NLGN4X: variants seen among roughly 807,000 people sequenced by gnomAD.
The protein encoded by NLGN4X is neuroligin 4 X-linked.
NLGN4X carries 3 observed loss-of-function variants against 40.3 expected under a neutral mutation model. The ratio of observed to expected loss-of-function variants is 0.07; its 90% confidence interval spans 0.03 to 0.19. NLGN4X has a LOEUF of 0.19. Among genes scored for constraint, NLGN4X ranks in the 10% least tolerant of loss-of-function variants. The probability of loss-of-function intolerance (pLI) is 1.00; values close to 1 mark genes in which losing one functional copy is unlikely to be tolerated. For synonymous variants in NLGN4X, 270 were observed against 306.8 expected, an observed-to-expected ratio of 0.88 and a Z score of 1.25; for missense variants, 382 against 708.3, an observed-to-expected ratio of 0.54 and a Z score of 5.23.
chrX:6,107,669 C>A (rs988499032), intron 2 of NLGN4X, among the ~76,000 whole-genome samples: 2 of 111,292 alleles, frequency 1.8e-5, no homozygotes, highest in South Asian at 3.8e-4. Flanking sequence ...AACATTGTAC[C>A]CATAGGTTAA....
intron 2 of NLGN4X, among the ~76,000 whole-genome samples, chrX:6,057,092 C>T (rs766833460): frequency 5.2e-4 from 58 of 111,811 alleles, no homozygotes; most frequent in Non-Finnish European, 9.6e-4. Flanking sequence ...TCAATGGTGC[C>T]AATTTGAAAC....
In NLGN4X at chrX:5,896,278, G is replaced by A. The variant is rs372809165; in HGVS notation, c.1602-2612C>T. On this transcript the variant is annotated intron_variant, in intron 5 of 5. Coordinates refer to ENST00000381095, the MANE Select transcript of NLGN4X (RefSeq NM_181332.3). ...GGATTTGGAAAATCCATATAAATGA[G>A]CTGCCACCTGATACCGTCTGTCTAT... is the stretch of plus-strand genomic sequence containing the variant. Among the ~76,000 whole-genome samples the A allele has an allele frequency of 6.3e-5, 7 of 111,878 alleles. No individual in the cohort carries two copies. In the East Asian group the frequency reaches 2.0e-3, roughly 31 times the overall value.
chrX:5,944,480 T>TA (rs1239508572), intron 3 of NLGN4X, among the ~76,000 whole-genome samples: 1 of 108,086 alleles, frequency 9.3e-6, no homozygotes, highest in African/African-American at 3.4e-5. Context: ...GACTGTCTCT[T>TA]AAAAAAATAA....
At chrX:5,945,786 G>A (rs756031064) in intron 3 of NLGN4X, among the ~76,000 whole-genome samples, 9 of 110,891 alleles carry the variant, frequency 8.1e-5, no homozygotes, top group South Asian at 3.9e-4. Context: ...GTGAAGGGTG[G>A]GGGTAGGGAG....
chrX:5,926,934 TTCTATCTATCTATCTA>T (rs3072082), intron 3 of NLGN4X, among the ~76,000 whole-genome samples: 6 of 96,885 alleles, frequency 6.2e-5, no homozygotes, highest in African/African-American at 1.1e-4. Flanking sequence ...TCTCTATATC[TTCTATCTATCTATCTA>T]TCTATCTATC....
chrX:6,001,963 T>C (rs971059917), intron 3 of NLGN4X, among the ~76,000 whole-genome samples: 2 of 111,788 alleles, frequency 1.8e-5, no homozygotes, highest in African/African-American at 6.5e-5. Flanking sequence ...ATATATCTAA[T>C]TGGTTACCTA....
At chrX:5,907,077 T>G (rs1189103314) in intron 4 of NLGN4X, among the ~76,000 whole-genome samples, 2 of 106,254 alleles carry the variant, frequency 1.9e-5, no homozygotes, top group African/African-American at 7.0e-5. Flanking sequence ...TGAGACTCCC[T>G]GAAAAAAAAA....
At chrX:5,976,744 G>A (rs967997495) in intron 3 of NLGN4X, among the ~76,000 whole-genome samples, 1 of 112,666 alleles carries the variant, frequency 8.9e-6, no homozygotes, top group African/African-American at 3.2e-5. Flanking sequence ...TTAAGCCTCC[G>A]TTATCTGTTC....
At chrX:5,918,785 T>C (rs2032913174) in intron 3 of NLGN4X, among the ~76,000 whole-genome samples, 1 of 112,501 alleles carries the variant, frequency 8.9e-6, no homozygotes, top group Non-Finnish European at 1.9e-5. Context: ...ATGTCTTTTC[T>C]AAGCCTGAAG....
chrX:6,164,411 T>C (rs1341780646), intron 1 of NLGN4X, among the ~76,000 whole-genome samples: 1 of 112,015 alleles, frequency 8.9e-6, no homozygotes, highest in Non-Finnish European at 1.9e-5. Context: ...AACTGTCAGT[T>C]TGAGTAAGAA....
chrX:6,002,841 A>G (rs12009217), intron 3 of NLGN4X, among the ~76,000 whole-genome samples: 31,149 of 111,220 alleles, frequency 0.28, 3,933 homozygotes, highest in African/African-American at 0.49. Context: ...CGGAAATTAT[A>G]GTTGGACATC....
chrX:6,194,515 T>A, intron 1 of NLGN4X, among the ~76,000 whole-genome samples: 1 of 111,720 alleles, frequency 9.0e-6, no homozygotes. Context: ...AGAGGATACA[T>A]CACTCAATAC....
intron 3 of NLGN4X, among the ~76,000 whole-genome samples, chrX:5,940,612 CT>C (rs1207233233): frequency 2.8e-4 from 26 of 91,993 alleles, no homozygotes; most frequent in Admixed American, 7.0e-4. Context: ...AAAAAAAAAA[CT>C]TTTTTTTTTT....
chrX:6,028,581 C>T lies in NLGN4X; in HGVS notation c.625+699G>A, dbSNP rs142980478. Among the ~76,000 whole-genome samples, 754 of 109,342 alleles carry T rather than the reference C, an allele frequency of 6.9e-3. 4 individuals carry two copies. Among genetic ancestry groups the T allele is most frequent in the African/African-American group, 0.024 (712 of 29,903 alleles). The allele number at this position is 109,342 out of a possible 115,157, so 95.0% of individuals were successfully genotyped here. Reference sequence around the variant, plus strand: ...GGCTGAGGCAGAAGAATCACTTGAACCCGGGAGGCAGAGGTTGTAGTGAGC... The same window carrying T: ...GGCTGAGGCAGAAGAATCACTTGAATCCGGGAGGCAGAGGTTGTAGTGAGC... On this transcript the variant is annotated intron_variant, in intron 3 of 5. Coordinates refer to ENST00000381095, the MANE Select transcript of NLGN4X (RefSeq NM_181332.3).
chrX:6,071,795 C>T (rs2038070173), intron 2 of NLGN4X, among the ~76,000 whole-genome samples: 1 of 111,809 alleles, frequency 8.9e-6, no homozygotes, highest in African/African-American at 3.3e-5. Context: ...TTGGAGAGTG[C>T]TTTGTGAACG....
In NLGN4X at chrX:5,986,723, G is replaced by A. The variant is rs757462217; in HGVS notation, c.625+42557C>T. 6.3e-5 allele frequency among the ~76,000 whole-genome samples: 7 copies of A among 111,699 alleles called. No homozygotes were observed. In the South Asian group the frequency reaches 2.2e-3, roughly 36 times the overall value. On this transcript the variant is annotated intron_variant, in intron 3 of 5. Coordinates refer to ENST00000381095, the MANE Select transcript of NLGN4X (RefSeq NM_181332.3). The stretch of plus-strand genomic sequence containing the variant: ...GTAGAAAAACAGATCAAAAACAGAC[G>A]CTTCACCAAACAGGACATATGAATG...
Position 6,196,400 on chromosome X carries a change from C to A in NLGN4X, c.-306+32141G>T, listed in dbSNP as rs1414463734. 2.8e-5 allele frequency among the ~76,000 whole-genome samples: 3 copies of A among 108,428 alleles called. No individual in the cohort carries two copies. The East Asian group carries it at 8.8e-4, about 32-fold the overall frequency. The allele number at this position is 108,428 out of a possible 115,157, so 94.2% of individuals were successfully genotyped here. A position where few individuals can be genotyped will look rare whatever the true frequency, so the allele number is the denominator to read the frequency against. ...CCCTGTCTCTACTAAAAATACAAAA[C>A]AATTAGCCGGGCGTGGTGGCGGGCG... On this transcript the variant is annotated intron_variant, in intron 1 of 5. Transcript: ENST00000381095.
intron 3 of NLGN4X, among the ~76,000 whole-genome samples, chrX:6,012,953 A>T (rs1205136743): frequency 2.7e-5 from 3 of 111,848 alleles, no homozygotes; most frequent in Non-Finnish European, 5.6e-5. Context: ...TAGAAAACTA[A>T]TACATGGAGA....
intron 3 of NLGN4X, among the ~76,000 whole-genome samples, chrX:6,013,069 T>C (rs781249884): frequency 3.7e-4 from 41 of 111,320 alleles, no homozygotes; most frequent in Middle Eastern, 4.7e-3. Flanking sequence ...AAAATACCCA[T>C]GGAAAGACCT....
Sources: allele counts gnomAD v4.1 joint callset (sites outside exome capture counted in the v4.1 genomes callset), GRCh38; gene constraint gnomAD v4.1.1; transcripts MANE v1.5; gene names NCBI Gene and HGNC (gene_info 2026-07-23, HGNC 2026-07-21).